HK1: variants seen among roughly 807,000 people sequenced by gnomAD.
HK1 encodes hexokinase-1.
In HK1, 28 loss-of-function variants were observed where a neutral mutation model predicts 91.6. That is an observed-to-expected ratio of 0.31 (90% CI 0.23 to 0.42). The LOEUF (loss-of-function observed/expected upper bound fraction) is 0.42, where lower values mean the gene tolerates loss of function less well. Ranked by LOEUF, HK1 falls within the 10% of genes least tolerant of loss-of-function variation. The pLI is 1.00. For synonymous variants in HK1, 430 were observed against 468.1 expected (o/e 0.92, Z 1.05); for missense variants, 770 against 1,219.8 (o/e 0.63, Z 5.49).
At chr10:69,336,671 G>T (rs545239350) in intron 1 of HK1, among the ~76,000 whole-genome samples, 30 of 109,294 alleles carry the variant, frequency 2.7e-4, no homozygotes, top group African/African-American at 1.2e-3. Flanking sequence ...ATGGATTCTC[G>T]CCTTGTTGCC....
At chr10:69,400,005 G>A (rs1206403690) in intron 17 of HK1, among the ~76,000 whole-genome samples, 2 of 152,176 alleles carry the variant, frequency 1.3e-5, no homozygotes, top group African/African-American at 4.8e-5. Flanking sequence ...CATCAGCTGA[G>A]GCAGCACACA....
At chr10:69,331,206 A>C (rs1344087254) in intron 1 of HK1, among the ~76,000 whole-genome samples, 1 of 152,058 alleles carries the variant, frequency 6.6e-6, no homozygotes, top group Non-Finnish European at 1.5e-5. Context: ...TTGGACCTTC[A>C]TTTCCTTATG....
At chr10:69,302,755 CA>C (rs58435739) in intron 5 of HK1, among the ~76,000 whole-genome samples, 21,893 of 127,322 alleles carry the variant, frequency 0.17, 2,215 homozygotes, top group East Asian at 0.51. Context: ...GACCCTGTCT[CA>C]AAAAAAAAAA....
intron 2 of HK1, among the ~76,000 whole-genome samples, chr10:69,351,435 G>A (rs1362997273): frequency 7.9e-5 from 12 of 152,156 alleles, no homozygotes; most frequent in South Asian, 2.1e-4. Context: ...CTTGAACCCC[G>A]GAGGCGGAGG....
intron 8 of HK1, among the ~76,000 whole-genome samples, chr10:69,379,518 C>T (rs549724548): frequency 3.3e-5 from 5 of 152,238 alleles, no homozygotes; most frequent in South Asian, 4.1e-4. Context: ...ACTCACAGAC[C>T]CCACGAGTGG....
rs576618363 is a variant in HK1 at position 69,355,455 on chromosome 10, T to C, written c.227-4442T>C. Among the ~76,000 whole-genome samples the C allele has an allele frequency of 2.6e-5, 4 of 152,292 alleles. No homozygotes were observed. In the East Asian group the frequency reaches 7.7e-4, roughly 29 times the overall value. Reference sequence around the variant, plus strand: ...AAGACATGTGGTACTGGCATGAAGGTAGACATGCAGACTAATGGAACAGAA... The same window carrying C: ...AAGACATGTGGTACTGGCATGAAGGCAGACATGCAGACTAATGGAACAGAA... On this transcript the variant is annotated intron_variant, in intron 2 of 17. Transcript: ENST00000359426.
intron 1 of HK1, among the ~76,000 whole-genome samples, chr10:69,339,440 G>A (rs1848184207): frequency 1.3e-5 from 2 of 152,180 alleles, no homozygotes; most frequent in Admixed American, 1.3e-4. Context: ...CCTCAATTGG[G>A]CCTCCCTTTT....
Position 69,359,944 on chromosome 10 carries a change from A to T in HK1, c.274A>T (p.Ile92Phe). The change falls in exon 3 of 18, where the codon ATT becomes TTT. Residue 92 changes from isoleucine (I) to phenylalanine (F), a missense_variant. By Grantham distance (21) the Ile-to-Phe change is conservative. This residue lies in a region of HK1 where 449 missense variants were observed against 665.1 expected (regional missense o/e 0.68). Coordinates refer to ENST00000359426, the MANE Select transcript of HK1 (RefSeq NM_000188.3). ...ALDLGGSSFR[I>F]LRVQVNHEKN... ...GGATCTTGGTGGGTCTTCCTTTCGA[A>T]TTCTGCGGGTGCAAGTGAATCATGA... is the stretch of plus-strand genomic sequence containing the variant. 6.2e-7 allele frequency: 1 copy of T among 1,614,158 alleles called. No homozygotes were observed. Among genetic ancestry groups the T allele is most frequent in the Non-Finnish European group, 8.5e-7 (1 of 1,180,000 alleles).
intron 1 of HK1, among the ~76,000 whole-genome samples, chr10:69,326,760 T>C (rs1483676843): frequency 6.6e-6 from 1 of 152,228 alleles, no homozygotes; most frequent in African/African-American, 2.4e-5. Flanking sequence ...ACAGACACAG[T>C]TGAAGCCCTT....
Position 69,335,927 on chromosome 10 carries a change from G to A in HK1, c.64-7900G>A, listed in dbSNP as rs117957042. Among the ~76,000 whole-genome samples, 21 of 152,260 alleles carry A rather than the reference G, an allele frequency of 1.4e-4. 1 individual carries two copies. In the East Asian group the frequency reaches 3.7e-3, roughly 27 times the overall value. On this transcript the variant is annotated intron_variant, in intron 1 of 17. Coordinates refer to ENST00000359426, the MANE Select transcript of HK1 (RefSeq NM_000188.3). ...TCTTAGAGAGTGTCTGCAGGAAATAGGAAGCGGGAAGTAGGTTTTTAAAGA... is the reference window on the plus strand; with the variant it reads ...TCTTAGAGAGTGTCTGCAGGAAATAAGAAGCGGGAAGTAGGTTTTTAAAGA...
intron 4 of HK1, chr10:69,296,325 G>A (rs753531107): frequency 1.8e-4 from 27 of 154,178 alleles, no homozygotes; most frequent in Non-Finnish European, 2.5e-4. Flanking sequence ...AGAAACTCTC[G>A]ATTTCCCCTG....
intron 2 of HK1, among the ~76,000 whole-genome samples, chr10:69,287,714 C>A (rs1291604126): frequency 2.0e-5 from 3 of 152,036 alleles, no homozygotes; most frequent in Non-Finnish European, 4.4e-5. Context: ...ATACAGAAAA[C>A]CACTGAATTA....
In HK1 at chr10:69,377,047, C is replaced by T; in HGVS notation, c.989C>T (p.Thr330Ile). The part of the protein sequence containing the change: ...FEGRITPELL[T>I]RGKFNTSDVS... ...GGGCGGATCACCCCGGAGCTGCTCA[C>T]CCGAGGGAAGTTTAACACCAGTGAT... The change falls in exon 8 of 18, where the codon ACC (threonine) becomes ATC (isoleucine). Residue 330 changes from threonine to isoleucine, a missense_variant. Thr to Ile is a moderately conservative substitution (Grantham distance 89). Transcript: ENST00000359426. 2 of 1,614,162 alleles carry T rather than the reference C, an allele frequency of 1.2e-6. No individual in the cohort carries two copies. The highest frequency in any genetic ancestry group is 1.1e-5 in the South Asian group (1 of 91,084).
intron 1 of HK1, among the ~76,000 whole-genome samples, chr10:69,330,485 G>T (rs997938326): frequency 2.6e-4 from 39 of 152,272 alleles, no homozygotes; most frequent in African/African-American, 7.9e-4. Context: ...CCTAACGCCA[G>T]TGGGCAATTC....
Position 69,300,940 on chromosome 10 carries a change from G to T in HK1, c.27+79G>T, listed in dbSNP as rs906222. On this transcript the variant is annotated intron_variant, in intron 5 of 21. Transcript: ENST00000360289. ...TTTCAGCAAGGTTATAGGATACAAG[G>T]TTAATATACATAAATCAATTGTAGC... The T allele has an allele frequency of 6.2e-6, 5 of 803,280 alleles. No individual in the cohort carries two copies. The Admixed American group carries it at 1.0e-4, about 16-fold the overall frequency. 49.8% of individuals were successfully genotyped at this position (803,280 alleles called of 1,614,324 possible).
chr10:69,288,848 G>A (rs745390738), intron 3 of HK1: 12 of 1,210,286 alleles, frequency 9.9e-6, no homozygotes, highest in South Asian at 3.7e-5. Flanking sequence ...GTGTAGTGGC[G>A]CGATCTCGGC....
chr10:69,315,773 C>G, upstream of HK1: 4 of 678,838 alleles, frequency 5.9e-6, no homozygotes, highest in Non-Finnish European at 8.1e-6. Flanking sequence ...CTCAGTGTTA[C>G]TTATCTGAGG....
chr10:69,367,625 A>G (rs1428950712), intron 4 of HK1, among the ~76,000 whole-genome samples: 1 of 152,004 alleles, frequency 6.6e-6, no homozygotes, highest in African/African-American at 2.4e-5. Flanking sequence ...TCCCTGGTGC[A>G]TACTCCAGTC....
rs1277591873 is a variant in HK1 at position 69,384,653 on chromosome 10, A to AAGAT, written c.1720-142_1720-139dup. 2.8e-6 allele frequency: 4 copies of AAGAT among 1,416,446 alleles called. No individual in the cohort carries two copies. The African/African-American group carries it at 5.6e-5, about 20-fold the overall frequency. 87.7% of individuals were successfully genotyped at this position (1,416,446 alleles called of 1,614,324 possible). On this transcript the variant is annotated intron_variant, in intron 11 of 17. Transcript: ENST00000359426. The stretch of plus-strand genomic sequence containing the variant: ...GGCTTGTGACACTCTGGTGGCTGAG[A>AAGAT]AGATTCTGGAAAAGGAGGCTCACTC...
Sources: gnomAD v4.1 joint callset for allele counts (sites outside exome capture counted in the v4.1 genomes callset) on GRCh38, gnomAD v4.1.1 for gene constraint, gnomAD v4.1.1 regional missense constraint, MANE v1.5 for transcripts, NCBI Gene and HGNC (gene_info 2026-07-23, HGNC 2026-07-21) for gene names.